Variants in ROBO2 observed in about 807,000 individuals in gnomAD.
The protein encoded by ROBO2 is roundabout guidance receptor 2.
Under a neutral mutation model 160.8 loss-of-function variants are expected in ROBO2, and 53 were observed. That is an observed-to-expected ratio of 0.33 (90% CI 0.26 to 0.41). The LOEUF (loss-of-function observed/expected upper bound fraction) is 0.41, where lower values mean the gene tolerates loss of function less well. Ranked by LOEUF, ROBO2 falls within the 10% of genes least tolerant of loss-of-function variation. The probability of loss-of-function intolerance (pLI) is 1.00; values close to 1 mark genes in which losing one functional copy is unlikely to be tolerated. For missense variants in ROBO2, 1,577 were observed against 1,722.4 expected, an observed-to-expected ratio of 0.92 and a Z score of 1.49; for synonymous variants, 664 against 611.7, an observed-to-expected ratio of 1.09 and a Z score of -1.26.
At chr3:76,333,361 G>T (rs1044189989) in intron 2 of ROBO2, among the ~76,000 whole-genome samples, 1 of 152,170 alleles carries the variant, frequency 6.6e-6, no homozygotes, top group African/African-American at 2.4e-5. Context: ...GCAGCGTAAA[G>T]TCATGATTCT....
At chr3:76,612,411 T>C (rs564592219) in intron 2 of ROBO2, among the ~76,000 whole-genome samples, 32 of 152,270 alleles carry the variant, frequency 2.1e-4, no homozygotes, top group Non-Finnish European at 3.1e-4. Flanking sequence ...CTGTATAATA[T>C]TATTGGCTTT....
intron 2 of ROBO2, among the ~76,000 whole-genome samples, chr3:76,855,957 C>T (rs766152561): frequency 2.6e-5 from 4 of 152,132 alleles, no homozygotes; most frequent in Non-Finnish European, 5.9e-5. Context: ...AAAGTTTTAC[C>T]CATGCTGAGC....
At chr3:76,478,417 C>A (rs1246599269) in intron 2 of ROBO2, among the ~76,000 whole-genome samples, 1 of 151,540 alleles carries the variant, frequency 6.6e-6, no homozygotes, top group African/African-American at 2.4e-5. Flanking sequence ...TTTTCTTAAT[C>A]CAGTCTATCA....
At chr3:76,086,585 A>G (rs1459687422) in intron 2 of ROBO2, among the ~76,000 whole-genome samples, 1 of 152,162 alleles carries the variant, frequency 6.6e-6, no homozygotes, top group Non-Finnish European at 1.5e-5. Context: ...AATCTATTAA[A>G]GGCCTATTTA....
intron 2 of ROBO2, among the ~76,000 whole-genome samples, chr3:77,211,678 G>T (rs984782752): frequency 2.6e-5 from 4 of 152,238 alleles, no homozygotes; most frequent in African/African-American, 4.8e-5. Context: ...GTAATGCCTA[G>T]GTTTTCTTCT....
rs372851160 is a variant in ROBO2 at position 77,065,638 on chromosome 3, G to T, written c.61+24792G>T. Reference sequence around the variant, plus strand: ...TAAATACTTTGTTACCTTAGTAATGGCCCAAATTTAAACATTTCTTAAAAT... The same window carrying T: ...TAAATACTTTGTTACCTTAGTAATGTCCCAAATTTAAACATTTCTTAAAAT... On this transcript the variant is annotated intron_variant, in intron 1 of 25. Transcript: ENST00000461745. Among the ~76,000 whole-genome samples the T allele has an allele frequency of 2.3e-3, 356 of 152,206 alleles. 4 individuals carry two copies. Among genetic ancestry groups the T allele is most frequent in the South Asian group, 0.017 (84 of 4,814 alleles).
At chr3:76,443,091 G>A (rs1485253376) in intron 2 of ROBO2, among the ~76,000 whole-genome samples, 1 of 151,818 alleles carries the variant, frequency 6.6e-6, no homozygotes, top group Non-Finnish European at 1.5e-5. Context: ...AGGAGAAGGG[G>A]AGCAAGCATC....
At chr3:76,985,139 C>G (rs1057270423) in intron 2 of ROBO2, among the ~76,000 whole-genome samples, 3 of 151,946 alleles carry the variant, frequency 2.0e-5, no homozygotes, top group African/African-American at 7.3e-5. Context: ...TAGTCTAGTA[C>G]ACTGAATTTA....
intron 2 of ROBO2, among the ~76,000 whole-genome samples, chr3:77,325,999 AT>A (rs1157909746): frequency 1.3e-5 from 2 of 152,030 alleles, no homozygotes; most frequent in Non-Finnish European, 2.9e-5. Flanking sequence ...GCTGCCATTG[AT>A]TTTTTTCTTT....
chr3:76,499,332 A>G (rs1033550623), intron 2 of ROBO2, among the ~76,000 whole-genome samples: 1 of 152,230 alleles, frequency 6.6e-6, no homozygotes, highest in Non-Finnish European at 1.5e-5. Flanking sequence ...CCTAGATTCC[A>G]AAGAAAATGT....
At chr3:76,798,276 GA>G (rs1423440280) in intron 2 of ROBO2, among the ~76,000 whole-genome samples, 8 of 137,642 alleles carry the variant, frequency 5.8e-5, no homozygotes, top group African/African-American at 2.2e-4. Flanking sequence ...AAGAAAGAAA[GA>G]AAGAAAGAAA....
At chr3:76,858,612 A>C (rs2070396077) in intron 2 of ROBO2, among the ~76,000 whole-genome samples, 1 of 152,224 alleles carries the variant, frequency 6.6e-6, no homozygotes, top group Non-Finnish European at 1.5e-5. Context: ...CATGAGTAAT[A>C]AGAAGTAAGA....
At chr3:76,778,582 G>A (rs1238609492) in intron 2 of ROBO2, among the ~76,000 whole-genome samples, 1 of 151,038 alleles carries the variant, frequency 6.6e-6, no homozygotes, top group African/African-American at 2.4e-5. Flanking sequence ...AATCTTAATT[G>A]ATATAAGAAT....
chr3:77,287,431 T>C (rs963891772), intron 2 of ROBO2, among the ~76,000 whole-genome samples: 3 of 152,098 alleles, frequency 2.0e-5, no homozygotes, highest in Non-Finnish European at 4.4e-5. Flanking sequence ...CAACATTTTT[T>C]TTCCATTAAA....
intron 2 of ROBO2, among the ~76,000 whole-genome samples, chr3:77,453,285 T>G (rs1359413442): frequency 2.0e-5 from 3 of 152,044 alleles, no homozygotes; most frequent in Admixed American, 2.0e-4. Flanking sequence ...TCACTGCAGT[T>G]GGCTTTGAGG....
At position 76,530,190 on chromosome 3, in the gene ROBO2, A is replaced by T. The variant is rs1313172041; in HGVS notation, c.110-567824A>T. Reference sequence around the variant, plus strand: ...TTACCCAGCGTGTACACAGGGCTACATGTCAGTGCTGGTGGCGATTCTTTA... The same window carrying T: ...TTACCCAGCGTGTACACAGGGCTACTTGTCAGTGCTGGTGGCGATTCTTTA... On this transcript the variant is annotated intron_variant, in intron 2 of 26. Coordinates refer to the ROBO2 transcript ENST00000487694. Among the ~76,000 whole-genome samples the T allele has an allele frequency of 2.6e-5, 4 of 152,296 alleles. No homozygotes were observed. The East Asian group carries it at 7.7e-4, about 29-fold the overall frequency.
In ROBO2 at chr3:76,412,357, C is replaced by T. The variant is rs149557786; in HGVS notation, c.109+474755C>T. ...CCCCTGGCCCCTCCAAATCTCATGT[C>T]CTCACATTTCAAAACCAATCATGCC... On this transcript the variant is annotated intron_variant, in intron 2 of 26. Coordinates refer to the ROBO2 transcript ENST00000487694. Among the ~76,000 whole-genome samples, 793 of 152,268 alleles carry T rather than the reference C, an allele frequency of 5.2e-3. 24 individuals carry two copies. Among genetic ancestry groups the T allele is most frequent in the Admixed American group, 0.044 (667 of 15,298 alleles).
chr3:76,157,682 G>T (rs1294264109), intron 2 of ROBO2, among the ~76,000 whole-genome samples: 1 of 152,086 alleles, frequency 6.6e-6, no homozygotes, highest in Non-Finnish European at 1.5e-5. Context: ...GGAAACAACA[G>T]AACTAAATTT....
chr3:76,763,106 A>G (rs2597243), intron 2 of ROBO2, among the ~76,000 whole-genome samples: 124,028 of 151,494 alleles, frequency 0.82, 50,907 homozygotes, highest in Admixed American at 0.85. Flanking sequence ...TGTAAAAATT[A>G]TCTTCCTTAG....
Sources: gnomAD v4.1 joint callset for allele counts (sites outside exome capture counted in the v4.1 genomes callset) on GRCh38, gnomAD v4.1.1 for gene constraint, MANE v1.5 for transcripts, NCBI Gene and HGNC (gene_info 2026-07-23, HGNC 2026-07-21) for gene names.